BABAM2: variants seen among roughly 807,000 people sequenced by gnomAD.
BABAM2 encodes BRISC and BRCA1-A complex member 2.
Under a neutral mutation model 54.7 loss-of-function variants are expected in BABAM2, and 31 were observed. The ratio of observed to expected loss-of-function variants is 0.57; its 90% CI spans 0.43 to 0.77. BABAM2 has a LOEUF of 0.77. Among genes scored for constraint, BABAM2 ranks in the 30% least tolerant of loss-of-function variants. BABAM2 has a pLI of 0.00. For missense variants in BABAM2, 364 were observed against 455.8 expected (o/e 0.80, Z 1.83); for synonymous variants, 167 against 162.9 (o/e 1.03, Z -0.19).
chr2:28,106,067 G>A (rs1667498196), intron 6 of BABAM2, among the ~76,000 whole-genome samples: 1 of 151,574 alleles, frequency 6.6e-6, no homozygotes, highest in Non-Finnish European at 1.5e-5. Flanking sequence ...CTAAGTTGCT[G>A]GTGTGATGGC....
chr2:28,273,456 C>T (rs911210138), intron 10 of BABAM2, among the ~76,000 whole-genome samples: 11 of 152,184 alleles, frequency 7.2e-5, no homozygotes, highest in Admixed American at 1.3e-4. Context: ...CAGTGGCTCA[C>T]GCCTCTAATC....
Position 28,207,349 on chromosome 2 carries a change from A to G in BABAM2, c.681-29853A>G, listed in dbSNP as rs969860587. 5.8e-4 allele frequency among the ~76,000 whole-genome samples: 88 copies of G among 152,024 alleles called. 1 individual carries two copies. The South Asian group carries it at 0.018, about 31-fold the overall frequency. On this transcript the variant is annotated intron_variant, in intron 7 of 11. Coordinates refer to ENST00000379624, the MANE Select transcript of BABAM2 (RefSeq NM_199191.3). ...CAAGACCTCGTCTCTAGTTTAAAAA[A>G]AAAAAAAAAATCCTAGGATGATGCT... is the stretch of plus-strand genomic sequence containing the variant.
intron 10 of BABAM2, 70 bp downstream of exon 10, chr2:28,244,932 G>A (rs183964163): frequency 1.5e-6 from 2 of 1,323,334 alleles, no homozygotes; most frequent in African/African-American, 2.9e-5. Context: ...GTAATAATCA[G>A]TACTAGAACC....
chr2:28,230,672 C>T (rs1343424397), intron 7 of BABAM2, among the ~76,000 whole-genome samples: 2 of 148,460 alleles, frequency 1.3e-5, no homozygotes, highest in Non-Finnish European at 3.0e-5. Flanking sequence ...TGCAGTGAGC[C>T]GTGATCACGC....
intron 3 of BABAM2, among the ~76,000 whole-genome samples, chr2:27,965,667 G>A (rs115989957): frequency 0.011 from 1,715 of 152,116 alleles, 17 homozygotes; most frequent in Non-Finnish European, 0.017. Flanking sequence ...ATACACACAC[G>A]TATACATATG....
intron 10 of BABAM2, among the ~76,000 whole-genome samples, chr2:28,265,642 G>A (rs1259689086): frequency 6.6e-6 from 1 of 151,620 alleles, no homozygotes; most frequent in African/African-American, 2.4e-5. Flanking sequence ...GCACATATGT[G>A]CACACACACA....
rs1675762523 is a variant in BABAM2 at position 28,026,843 on chromosome 2, A to AATATATATTTATATATAGAT, written c.495+1440_495+1441insGATATATATATTTATATATA. On this transcript the variant is annotated intron_variant, in intron 5 of 11. Transcript: ENST00000379624. Reference sequence around the variant, plus strand: ...ATATTTATATATATAAATATATATAAATATATATTTATATATATAGATATA... The same window carrying AATATATATTTATATATAGAT: ...ATATTTATATATATAAATATATATAAATATATATTTATATATAGATATATATATTTATATATATAGATATA... Among the ~76,000 whole-genome samples the AATATATATTTATATATAGAT allele has an allele frequency of 4.4e-4, 18 of 40,650 alleles. 1 individual carries two copies. The highest frequency in any genetic ancestry group is 7.0e-4 in the Non-Finnish European group (15 of 21,408). The allele number at this position is 40,650 out of a possible 152,430, so 26.7% of individuals were successfully genotyped here. A position where few individuals can be genotyped will look rare whatever the true frequency, so the allele number is the denominator to read the frequency against.
At chr2:28,042,618 A>G (rs963223438) in intron 5 of BABAM2, among the ~76,000 whole-genome samples, 1 of 152,194 alleles carries the variant, frequency 6.6e-6, no homozygotes, top group Non-Finnish European at 1.5e-5. Flanking sequence ...TGGTAGGGAA[A>G]GGCTGACTGG....
intron 7 of BABAM2, among the ~76,000 whole-genome samples, chr2:28,189,046 C>A (rs573594183): frequency 3.3e-5 from 5 of 151,996 alleles, no homozygotes; most frequent in African/African-American, 4.8e-5. Flanking sequence ...ACTAAAAATA[C>A]AAAAATTAGC....
At chr2:28,110,293 G>A (rs1342789310) in intron 6 of BABAM2, among the ~76,000 whole-genome samples, 1 of 152,134 alleles carries the variant, frequency 6.6e-6, no homozygotes, top group Non-Finnish European at 1.5e-5. Flanking sequence ...CACTTGGGTT[G>A]CTTCTACTTT....
chr2:28,025,488 ATTTGTAAATCCTAGTCATTTCTT>A, intron 5 of BABAM2, 68 bp downstream of exon 5: 1 of 1,381,486 alleles, frequency 7.2e-7, no homozygotes, highest in East Asian at 2.5e-5. Context: ...TCATATGTCC[ATTTGTAAATCCTAGTCATTTCTT>A]TAGATAAACA....
chr2:27,911,876 G>C (rs1005670409), intron 2 of BABAM2, among the ~76,000 whole-genome samples: 2 of 152,180 alleles, frequency 1.3e-5, no homozygotes, highest in Admixed American at 1.3e-4. Context: ...AGATAGAATA[G>C]GAATAGGACG....
intron 2 of BABAM2, among the ~76,000 whole-genome samples, chr2:27,926,784 A>AT (rs551723532): frequency 3.9e-4 from 59 of 150,596 alleles, no homozygotes; most frequent in African/African-American, 1.1e-3. Flanking sequence ...ATAGAGAAAT[A>AT]TTTTTTTTTT....
chr2:28,208,375 T>C (rs576506267), intron 7 of BABAM2, among the ~76,000 whole-genome samples: 3 of 152,298 alleles, frequency 2.0e-5, no homozygotes, highest in African/African-American at 7.2e-5. Flanking sequence ...GACAGTGGTT[T>C]TGAGACCTTT....
At chr2:28,332,167 G>A (rs1287800227) in intron 11 of BABAM2, among the ~76,000 whole-genome samples, 1 of 152,172 alleles carries the variant, frequency 6.6e-6, no homozygotes, top group African/African-American at 2.4e-5. Context: ...GTTGATCGGG[G>A]GGCATCAGGA....
At chr2:28,271,276 G>C (rs970834690) in intron 10 of BABAM2, among the ~76,000 whole-genome samples, 1 of 152,182 alleles carries the variant, frequency 6.6e-6, no homozygotes, top group African/African-American at 2.4e-5. Flanking sequence ...CAAGGTGGTC[G>C]AGTGTGTTTG....
At chr2:28,157,442 A>G (rs1012859799) in intron 7 of BABAM2, among the ~76,000 whole-genome samples, 1 of 152,232 alleles carries the variant, frequency 6.6e-6, no homozygotes, top group South Asian at 2.1e-4. Flanking sequence ...TATATGAGAC[A>G]ACAGATTCAA....
chr2:28,200,205 T>G (rs1054192262), intron 7 of BABAM2, among the ~76,000 whole-genome samples: 12 of 152,218 alleles, frequency 7.9e-5, no homozygotes, highest in Admixed American at 7.9e-4. Context: ...ATTGTATTTC[T>G]TCACTGAATT....
At chr2:28,115,346 G>A (rs546929702) in intron 6 of BABAM2, among the ~76,000 whole-genome samples, 1 of 152,090 alleles carries the variant, frequency 6.6e-6, no homozygotes, top group Admixed American at 6.5e-5. Context: ...CTTCTAAATT[G>A]AACTTAAAAG....
Sources: allele counts gnomAD v4.1 joint callset (sites outside exome capture counted in the v4.1 genomes callset), GRCh38; gene constraint gnomAD v4.1.1; transcripts MANE v1.5; gene names NCBI Gene and HGNC (gene_info 2026-07-23, HGNC 2026-07-21).